Variants in ZPBP observed in about 807,000 individuals in gnomAD.
ZPBP encodes zona pellucida-binding protein 1.
A neutral mutation model predicts 44.8 loss-of-function variants in ZPBP; 26 were observed. That is an observed-to-expected ratio of 0.58 (90% CI 0.43 to 0.81). The LOEUF is 0.81. ZPBP is among the 30% of genes least tolerant of loss of function. The probability of loss-of-function intolerance (pLI) is 0.00; values close to 1 mark genes in which losing one functional copy is unlikely to be tolerated. For synonymous variants in ZPBP, 174 were observed against 153.2 expected (o/e 1.14, Z -1.00); for missense variants, 409 against 434.0 (o/e 0.94, Z 0.51).
At chr7:49,999,722 T>A (rs1055984301) in intron 6 of ZPBP, among the ~76,000 whole-genome samples, 7 of 151,396 alleles carry the variant, frequency 4.6e-5, no homozygotes, top group African/African-American at 1.7e-4. Flanking sequence ...TATTTTGTTC[T>A]ATTCAAGTTC....
At chr7:50,076,946 T>C (rs1421527024) in intron 3 of ZPBP, among the ~76,000 whole-genome samples, 1 of 151,906 alleles carries the variant, frequency 6.6e-6, no homozygotes, top group South Asian at 2.1e-4. Context: ...GCCAAAGCTA[T>C]CCTGAGCAAA....
chr7:49,962,705 T>A (rs1795906175), intron 7 of ZPBP, among the ~76,000 whole-genome samples: 1 of 151,888 alleles, frequency 6.6e-6, no homozygotes, highest in African/African-American at 2.4e-5. Context: ...TCTTGTGGAA[T>A]ATGATTAGGT....
At chr7:50,017,089 C>T (rs1798851778) in intron 6 of ZPBP, among the ~76,000 whole-genome samples, 1 of 151,970 alleles carries the variant, frequency 6.6e-6, no homozygotes, top group African/African-American at 2.4e-5. Context: ...TTATTGTGCA[C>T]TTTATTTATA....
intron 4 of ZPBP, among the ~76,000 whole-genome samples, chr7:50,049,844 C>T (rs1042451217): frequency 1.3e-5 from 2 of 151,378 alleles, no homozygotes; most frequent in African/African-American, 4.9e-5. Context: ...AAATAAATAA[C>T]AAATACACAG....
chr7:49,985,466 C>A (rs1344193336), intron 6 of ZPBP, among the ~76,000 whole-genome samples: 1 of 152,004 alleles, frequency 6.6e-6, no homozygotes, highest in Non-Finnish European at 1.5e-5. Context: ...CTGAAAATAT[C>A]TGAAATCTAA....
At chr7:49,885,802 C>A (rs921361347) in intron 2 of ZPBP, among the ~76,000 whole-genome samples, 2 of 152,258 alleles carry the variant, frequency 1.3e-5, no homozygotes, top group African/African-American at 4.8e-5. Flanking sequence ...CCACTAGCAC[C>A]GGGGACGCAG....
At chr7:49,998,738 G>C (rs1368481830) in intron 6 of ZPBP, among the ~76,000 whole-genome samples, 1 of 151,982 alleles carries the variant, frequency 6.6e-6, no homozygotes, top group African/African-American at 2.4e-5. Context: ...TTTAAATCTA[G>C]TAAGACTAGA....
At chr7:49,915,058 T>A (rs1264359689) in intron 1 of ZPBP, 1 of 152,216 alleles carries the variant, frequency 6.6e-6, no homozygotes, top group African/African-American at 2.4e-5. Context: ...AGCAATAGAA[T>A]GGTTCTGGAA....
At chr7:49,841,244 T>C in the ZPBP span, among the ~76,000 whole-genome samples, 1 of 152,082 alleles carries the variant, frequency 6.6e-6, no homozygotes, top group African/African-American at 2.4e-5. Flanking sequence ...TGAATTCCAC[T>C]TAGGCTTGTG....
chr7:50,000,070 T>C (rs1798027881), intron 6 of ZPBP, among the ~76,000 whole-genome samples: 1 of 152,120 alleles, frequency 6.6e-6, no homozygotes, highest in African/African-American at 2.4e-5. Flanking sequence ...AGTGGTAAAA[T>C]ATCTATACCA....
rs181808895 is a variant in ZPBP at position 50,001,227 on chromosome 7, G to A, written c.783+17013C>T. 6.6e-5 allele frequency among the ~76,000 whole-genome samples: 10 copies of A among 152,244 alleles called. No homozygotes were observed. The East Asian group carries it at 1.9e-3, about 29-fold the overall frequency. ...CTTATTGTGCAGAAATGAAGAACAT[G>A]AAACTTCTGGGAAGTTCTACAAAAT... On this transcript the variant is annotated intron_variant, in intron 6 of 7. Coordinates refer to ENST00000046087, the MANE Select transcript of ZPBP (RefSeq NM_007009.3).
intron 6 of ZPBP, among the ~76,000 whole-genome samples, chr7:49,987,187 G>A (rs2128785035): frequency 6.6e-6 from 1 of 152,240 alleles, no homozygotes. Flanking sequence ...AATATTGGTT[G>A]TTTGGCATGG....
intron 1 of ZPBP, among the ~76,000 whole-genome samples, chr7:50,090,846 G>C (rs1369024865): frequency 6.6e-6 from 1 of 152,064 alleles, no homozygotes; most frequent in African/African-American, 2.4e-5. Flanking sequence ...TGGACTGCTG[G>C]ATCCAGTGGT....
At chr7:49,968,314 C>T (rs980973980) in intron 7 of ZPBP, among the ~76,000 whole-genome samples, 2 of 151,834 alleles carry the variant, frequency 1.3e-5, no homozygotes, top group African/African-American at 4.8e-5. Flanking sequence ...TTCTAAGAAA[C>T]AATATTATAA....
chr7:50,083,092 T>C (rs1802455042), intron 2 of ZPBP, among the ~76,000 whole-genome samples: 1 of 151,912 alleles, frequency 6.6e-6, no homozygotes, highest in African/African-American at 2.4e-5. Flanking sequence ...GTATATCCTT[T>C]GTGCTTTGGC....
intron 7 of ZPBP, among the ~76,000 whole-genome samples, chr7:49,958,575 G>A (rs570962265): frequency 1.1e-4 from 16 of 152,244 alleles, no homozygotes; most frequent in Non-Finnish European, 2.1e-4. Flanking sequence ...ACACAGGAAG[G>A]AGGCCCTCAT....
At chr7:50,045,647 G>A (rs1239133631) in intron 4 of ZPBP, among the ~76,000 whole-genome samples, 2 of 152,082 alleles carry the variant, frequency 1.3e-5, no homozygotes, top group African/African-American at 4.8e-5. Flanking sequence ...AAATAAGAGA[G>A]GACACAAACA....
chr7:49,921,378 C>T (rs1794008447), intron 1 of ZPBP: 1 of 152,212 alleles, frequency 6.6e-6, no homozygotes. Flanking sequence ...ATCCTTTTAA[C>T]ATTTATATCA....
chr7:49,867,236 T>C (rs1290052255), intron 2 of ZPBP, among the ~76,000 whole-genome samples: 1 of 152,198 alleles, frequency 6.6e-6, no homozygotes, highest in Non-Finnish European at 1.5e-5. Context: ...AACAATGCCA[T>C]AGGAATATGA....
Sources: allele counts gnomAD v4.1 joint callset (sites outside exome capture counted in the v4.1 genomes callset), GRCh38; gene constraint gnomAD v4.1.1; transcripts MANE v1.5; gene names NCBI Gene and HGNC (gene_info 2026-07-23, HGNC 2026-07-21).